CA1: variants seen among roughly 807,000 people sequenced by gnomAD.
CA1 encodes the protein carbonate dehydratase I.
A neutral mutation model predicts 28.8 loss-of-function variants in CA1; 27 were observed. The ratio of observed to expected loss-of-function variants is 0.94; its 90% CI spans 0.69 to 1.29. The LOEUF (loss-of-function observed/expected upper bound fraction) is 1.29. Among genes scored for constraint, CA1 ranks in the 50% most tolerant of loss-of-function variants. The pLI, the probability that CA1 is intolerant of heterozygous loss-of-function variation, is 0.00. For synonymous variants in CA1, 121 were observed against 108.8 expected, an observed-to-expected ratio of 1.11 and a Z score of -0.70; for missense variants, 335 against 310.5, an observed-to-expected ratio of 1.08 and a Z score of -0.59.
At chr8:85,377,898 G>GT (rs997333409) in intron 1 of CA1, 148 bp downstream of exon 1, 6 of 152,184 alleles carry the variant, frequency 3.9e-5, no homozygotes, top group African/African-American at 7.2e-5. Flanking sequence ...AACTATAAAG[G>GT]TTTTTTAAGC....
chr8:85,333,499 G>A (rs1295847643), intron 5 of CA1, 26 bp downstream of exon 5: 1 of 1,362,428 alleles, frequency 7.3e-7, no homozygotes, highest in South Asian at 1.2e-5. Context: ...AGTGGAAGCA[G>A]AGCTGTGTAA....
chr8:85,328,601 T>C lies in CA1; in HGVS notation c.745A>G (p.Thr249Ala), dbSNP rs146077655. Residue 249 changes from threonine to alanine, a missense_variant, in exon 8 of 8, where the codon ACC becomes GCC. Physicochemically the swap from Thr to Ala is moderately conservative, Grantham distance 58 (BLOSUM62 0). Coordinates refer to ENST00000523022, the MANE Select transcript of CA1 (RefSeq NM_001128831.4). ...AVPMQHNNRP[T>A]QPLKGRTVRA... The stretch of plus-strand genomic sequence containing the variant: ...ACTGTTCTGCCCTTCAGAGGTTGGG[T>C]TGGGCGGTTGTTGTGCTGCATGGGG... 12 of 1,611,748 alleles carry C rather than the reference T, an allele frequency of 7.4e-6. No individual in the cohort carries two copies. Among genetic ancestry groups the C allele is most frequent in the Non-Finnish European group, 1.0e-5 (12 of 1,178,440 alleles).
chr8:85,334,371 C>G (rs1213560263), intron 4 of CA1, among the ~76,000 whole-genome samples: 1 of 152,190 alleles, frequency 6.6e-6, no homozygotes, highest in Non-Finnish European at 1.5e-5. Context: ...CACATGTTCA[C>G]AACTTTGAGC....
intron 1 of CA1, among the ~76,000 whole-genome samples, chr8:85,344,252 T>A (rs1355460855): frequency 1.0e-5 from 1 of 99,038 alleles, no homozygotes; most frequent in Non-Finnish European, 1.8e-5. Flanking sequence ...AATTATATAT[T>A]ATATACAGTA....
intron 1 of CA1, among the ~76,000 whole-genome samples, chr8:85,377,404 A>C (rs903867741): frequency 6.6e-6 from 1 of 152,080 alleles, no homozygotes; most frequent in African/African-American, 2.4e-5. Context: ...TAATTGATAT[A>C]ATATATAATA....
chr8:85,354,229 C>T lies in CA1; in HGVS notation c.-24-12570G>A, dbSNP rs141429316. 3.5e-3 allele frequency among the ~76,000 whole-genome samples: 536 copies of T among 151,960 alleles called. 5 individuals are homozygous for T. The highest frequency in any genetic ancestry group is 0.012 in the African/African-American group (513 of 41,432). ...ACCTCAAGTGATCCACCCACCTTGGCCTCCCACAGTGCTGGGATTATAGGT... is the reference window on the plus strand; with the variant it reads ...ACCTCAAGTGATCCACCCACCTTGGTCTCCCACAGTGCTGGGATTATAGGT... On this transcript the variant is annotated intron_variant, in intron 1 of 7. Coordinates refer to ENST00000523022, the MANE Select transcript of CA1 (RefSeq NM_001128831.4).
intron 1 of CA1, among the ~76,000 whole-genome samples, chr8:85,345,472 T>C (rs779041994): frequency 1.3e-5 from 2 of 152,220 alleles, no homozygotes; most frequent in African/African-American, 2.4e-5. Context: ...ATCTCTAAAA[T>C]GGCATCTCTA....
intron 1 of CA1, chr8:85,373,506 A>G (rs1810306783): frequency 6.6e-6 from 1 of 152,184 alleles, no homozygotes; most frequent in Non-Finnish European, 1.5e-5. Context: ...AGAGAGAGAG[A>G]GAGACTACAT....
At chr8:85,344,259 A>AGTATATAATATAATTATATTATATACT (rs1809070539) in intron 1 of CA1, among the ~76,000 whole-genome samples, 3 of 85,578 alleles carry the variant, frequency 3.5e-5, no homozygotes, top group African/African-American at 6.8e-5. Context: ...TATTATATAC[A>AGTATATAATATAATTATATTATATACT]GTATATAATA....
At chr8:85,329,996 C>T (rs776974039) in intron 6 of CA1, 152 bp from the exon 7 acceptor site, 25 of 669,768 alleles carry the variant, frequency 3.7e-5, no homozygotes, top group Non-Finnish European at 5.4e-5. Flanking sequence ...TCATGACTGG[C>T]GTGTTTGTGG....
intron 2 of CA1, among the ~76,000 whole-genome samples, chr8:85,340,428 T>G (rs1401990816): frequency 2.6e-5 from 4 of 152,220 alleles, no homozygotes; most frequent in Admixed American, 6.5e-5. Context: ...CCTTTCAAAA[T>G]ATCACTGCTC....
intron 1 of CA1, among the ~76,000 whole-genome samples, chr8:85,371,201 G>T (rs540168227): frequency 1.1e-4 from 16 of 152,200 alleles, no homozygotes; most frequent in South Asian, 1.0e-3. Context: ...CCTAGTAACT[G>T]GGGGTTCTAG....
intron 1 of CA1, among the ~76,000 whole-genome samples, chr8:85,356,040 C>T (rs2130315872): frequency 6.6e-6 from 1 of 152,260 alleles, no homozygotes; most frequent in Admixed American, 6.5e-5. Flanking sequence ...TGCCAGAAGT[C>T]CCATGTCAGG....
chr8:85,332,519 G>A lies in CA1; in HGVS notation c.484C>T (p.Leu162Phe), dbSNP rs377505704. 6.2e-7 allele frequency: 1 copy of A among 1,613,022 alleles called. No homozygotes were observed. The change falls in exon 6 of 8, where the codon CTT becomes TTT. Residue 162 changes from leucine to phenylalanine, a missense_variant. By Grantham distance (22) the Leu-to-Phe change is conservative. Transcript: ENST00000523022. Reference protein sequence around the residue: ...GEANPKLQKVLDALQAIKTKG... With the variant: ...GEANPKLQKVFDALQAIKTKG... Reference sequence around the variant, plus strand: ...GTTTTAATTGCTTGGAGGGCATCAAGTACTTTCTGCAGCTTTGGGTTGGCC... The same window carrying A: ...GTTTTAATTGCTTGGAGGGCATCAAATACTTTCTGCAGCTTTGGGTTGGCC...
chr8:85,377,480 T>C (rs1810461426), intron 1 of CA1, among the ~76,000 whole-genome samples: 1 of 152,216 alleles, frequency 6.6e-6, no homozygotes, highest in Non-Finnish European at 1.5e-5. Context: ...TAACGTCAAA[T>C]TGAACATTAG....
intron 1 of CA1, among the ~76,000 whole-genome samples, chr8:85,377,098 ATTGT>A (rs1472435532): frequency 7.9e-5 from 12 of 152,340 alleles, no homozygotes; most frequent in African/African-American, 2.4e-4. Flanking sequence ...CCTATGAAAG[ATTGT>A]TTGTTAAGTT....
intron 1 of CA1, among the ~76,000 whole-genome samples, chr8:85,365,337 T>C (rs75325252): frequency 0.017 from 2,660 of 152,344 alleles, 76 homozygotes; most frequent in African/African-American, 0.059. Context: ...TAGCTCCGTC[T>C]CTACCATAAT....
intron 1 of CA1, among the ~76,000 whole-genome samples, chr8:85,370,756 TTTA>T (rs1365243525): frequency 2.6e-5 from 4 of 152,314 alleles, no homozygotes; most frequent in African/African-American, 7.2e-5. Flanking sequence ...AATATTTATT[TTTA>T]TTGACTTTTC....
intron 3 of CA1, chr8:85,337,341 T>C (rs775137074): frequency 2.3e-6 from 1 of 425,988 alleles, no homozygotes; most frequent in South Asian, 2.1e-5. Context: ...GAAAGCATAT[T>C]GCAATGTGAG....
Sources: gnomAD v4.1 joint callset for allele counts (sites outside exome capture counted in the v4.1 genomes callset) on GRCh38, gnomAD v4.1.1 for gene constraint, MANE v1.5 for transcripts, NCBI Gene and HGNC (gene_info 2026-07-23, HGNC 2026-07-21) for gene names.